The following ZNF385D variants were observed in gnomAD, a reference collection of about 807,000 sequenced individuals.
ZNF385D encodes zinc finger protein 659.
In ZNF385D, 15 loss-of-function variants were observed where a neutral mutation model predicts 35.8. The ratio of observed to expected loss-of-function variants is 0.42; its 90% CI spans 0.28 to 0.64. The LOEUF (loss-of-function observed/expected upper bound fraction) is 0.64. Among genes scored for constraint, ZNF385D ranks in the 30% least tolerant of loss-of-function variants. The pLI, the probability that ZNF385D is intolerant of heterozygous loss-of-function variation, is 0.23. For missense variants in ZNF385D, 474 were observed against 494.6 expected, an observed-to-expected ratio of 0.96 and a Z score of 0.39; for synonymous variants, 212 against 186.8, an observed-to-expected ratio of 1.13 and a Z score of -1.10.
intron 3 of ZNF385D, among the ~76,000 whole-genome samples, chr3:21,989,514 C>CA (rs549129198): frequency 7.1e-4 from 108 of 152,228 alleles, no homozygotes; most frequent in African/African-American, 2.5e-3. Context: ...ATCATTCTCT[C>CA]AAAAGGTATG....
chr3:21,733,356 G>A (rs938466619), intron 1 of ZNF385D, among the ~76,000 whole-genome samples: 1 of 151,994 alleles, frequency 6.6e-6, no homozygotes, highest in Non-Finnish European at 1.5e-5. Flanking sequence ...TATTATGTTG[G>A]CTCTCTAGGT....
intron 2 of ZNF385D, among the ~76,000 whole-genome samples, chr3:22,308,622 G>A (rs1017519272): frequency 9.2e-5 from 14 of 152,090 alleles, no homozygotes; most frequent in African/African-American, 3.4e-4. Context: ...AGCCACAACA[G>A]AGGCGGCATG....
chr3:21,833,202 G>T (rs1045008997), intron 3 of ZNF385D, among the ~76,000 whole-genome samples: 1 of 152,112 alleles, frequency 6.6e-6, no homozygotes, highest in African/African-American at 2.4e-5. Context: ...CTTTTAATCA[G>T]ATTTTTAGAA....
In ZNF385D at chr3:22,223,669, A is replaced by C. The variant is rs961728553; in HGVS notation, c.107-54634T>G. ...CTATGCTTAACACTAAATATATTTT[A>C]ATAATTTTGAACGAGACAGATGCAC... On this transcript the variant is annotated intron_variant, in intron 2 of 5. Transcript: ENST00000494108. 2.0e-5 allele frequency among the ~76,000 whole-genome samples: 3 copies of C among 152,196 alleles called. No homozygotes were observed. In the South Asian group the frequency reaches 6.2e-4, roughly 31 times the overall value.
intron 3 of ZNF385D, among the ~76,000 whole-genome samples, chr3:21,935,485 G>T (rs1408825609): frequency 6.6e-6 from 1 of 152,122 alleles, no homozygotes; most frequent in African/African-American, 2.4e-5. Flanking sequence ...TTTGAACCTA[G>T]ATAGTTAAGT....
chr3:22,184,741 C>T (rs954873893), intron 2 of ZNF385D, among the ~76,000 whole-genome samples: 4 of 152,072 alleles, frequency 2.6e-5, no homozygotes, highest in East Asian at 3.9e-4. Flanking sequence ...GTAGGAAAAT[C>T]GCTTAAACTG....
intron 3 of ZNF385D, among the ~76,000 whole-genome samples, chr3:21,892,284 G>A (rs370417140): frequency 2.6e-5 from 4 of 152,124 alleles, no homozygotes; most frequent in East Asian, 1.9e-4. Flanking sequence ...CTTTGAAAGC[G>A]CTACAGTGCC....
intron 3 of ZNF385D, among the ~76,000 whole-genome samples, chr3:21,983,157 TTATTTTATTA>T (rs1331254176): frequency 1.3e-5 from 1 of 75,052 alleles, no homozygotes; most frequent in Non-Finnish European, 2.6e-5. Context: ...TTATTTTATT[TTATTTTATTA>T]TTTTTTTTTA....
intron 2 of ZNF385D, among the ~76,000 whole-genome samples, chr3:22,280,585 T>G (rs1384585007): frequency 2.6e-5 from 4 of 152,046 alleles, no homozygotes; most frequent in African/African-American, 9.7e-5. Context: ...CTGTAAGTAT[T>G]TGGCTTTATT....
rs1186455456 is a variant in ZNF385D at position 21,571,363 on chromosome 3, TG to T, written c.166-6680del. ...TTTGCCAATTCTACTGTTGAATAGT[TG>T]GGTTGCTTTCCATGTTAATCTATTA... On this transcript the variant is annotated intron_variant, in intron 2 of 7. Coordinates refer to ENST00000281523, the MANE Select transcript of ZNF385D (RefSeq NM_024697.3). Among the ~76,000 whole-genome samples the T allele has an allele frequency of 4.6e-5, 7 of 152,208 alleles. No individual in the cohort carries two copies. In the South Asian group the frequency reaches 1.0e-3, roughly 23 times the overall value.
chr3:22,256,718 G>T (rs2125336981), intron 2 of ZNF385D, among the ~76,000 whole-genome samples: 1 of 151,940 alleles, frequency 6.6e-6, no homozygotes, highest in South Asian at 2.1e-4. Context: ...ATTTTCAGGT[G>T]CCATCTTTAT....
intron 3 of ZNF385D, among the ~76,000 whole-genome samples, chr3:22,128,898 C>G (rs1703607525): frequency 6.6e-6 from 1 of 152,148 alleles, no homozygotes; most frequent in Admixed American, 6.6e-5. Context: ...ACTGTTGTCT[C>G]TTTTAGAAGA....
At position 21,564,642 on chromosome 3, in the gene ZNF385D, C is replaced by A. The variant is rs760045214; in HGVS notation, c.208G>T (p.Val70Phe). 9 of 1,584,434 alleles carry A rather than the reference C, an allele frequency of 5.7e-6. No homozygotes were observed. Among genetic ancestry groups the A allele is most frequent in the Middle Eastern group, 1.7e-4 (1 of 5,960 alleles). ...QKAVINHTFG[V>F]PLPHRRKQII... ...TGCTTTCTTCGGTGGGGAAGAGGAA[C>A]CCCGAATGTATGGTTTATTACAGCT... Residue 70 changes from valine to phenylalanine, a missense_variant, in exon 3 of 8, where the codon GTT (valine) becomes TTT (phenylalanine). Transcript: ENST00000281523.
At chr3:22,261,647 G>A (rs766669900) in intron 2 of ZNF385D, among the ~76,000 whole-genome samples, 1 of 151,892 alleles carries the variant, frequency 6.6e-6, no homozygotes, top group East Asian at 1.9e-4. Context: ...ATGGAGCTAG[G>A]GTATGGGGGT....
intron 4 of ZNF385D, among the ~76,000 whole-genome samples, chr3:21,483,308 A>G (rs1704775377): frequency 6.6e-6 from 1 of 152,186 alleles, no homozygotes; most frequent in Admixed American, 6.6e-5. Flanking sequence ...AATTATACAT[A>G]TCAATAGTTT....
At chr3:22,124,566 A>G (rs1050136221) in intron 3 of ZNF385D, among the ~76,000 whole-genome samples, 4 of 152,108 alleles carry the variant, frequency 2.6e-5, no homozygotes, top group African/African-American at 9.7e-5. Flanking sequence ...TCCTGTCTCC[A>G]CATTCTCGCC....
At chr3:22,108,825 C>T (rs576911389) in intron 3 of ZNF385D, among the ~76,000 whole-genome samples, 3 of 152,180 alleles carry the variant, frequency 2.0e-5, no homozygotes, top group African/African-American at 7.2e-5. Context: ...CCAGCCTGGC[C>T]AACATGGTGA....
At chr3:21,728,928 T>G (rs549774138) in intron 1 of ZNF385D, among the ~76,000 whole-genome samples, 2 of 152,348 alleles carry the variant, frequency 1.3e-5, no homozygotes, top group Non-Finnish European at 2.9e-5. Context: ...CAGCTATCTT[T>G]CTTTGTTTTG....
chr3:22,367,527 A>G (rs1340182733), intron 2 of ZNF385D, among the ~76,000 whole-genome samples: 1 of 152,114 alleles, frequency 6.6e-6, no homozygotes, highest in East Asian at 1.9e-4. Flanking sequence ...GGTGATCTGG[A>G]TGGCTTTAGG....
Sources: gnomAD v4.1 joint callset for allele counts (sites outside exome capture counted in the v4.1 genomes callset) on GRCh38, gnomAD v4.1.1 for gene constraint, MANE v1.5 for transcripts, NCBI Gene and HGNC (gene_info 2026-07-23, HGNC 2026-07-21) for gene names.